Variants in TCF20 observed in about 807,000 individuals in gnomAD.
TCF20 encodes the protein transcription factor 20.
Under a neutral mutation model 148.6 loss-of-function variants are expected in TCF20, and 3 were observed. The observed-to-expected ratio is 0.02, with a 90% CI of 0.01 to 0.05. TCF20 has a LOEUF of 0.05. Among genes scored for constraint, TCF20 ranks in the 10% least tolerant of loss-of-function variants. The pLI, the probability that TCF20 is intolerant of heterozygous loss-of-function variation, is 1.00. For missense variants in TCF20, 2,350 were observed against 2,429.3 expected (o/e 0.97, Z 0.69); for synonymous variants, 1,049 against 909.5 (o/e 1.15, Z -2.76).
At position 42,317,589 on chromosome 22, in the gene TCF20, T is replaced by G. The variant is rs1325487675; in HGVS notation, c.-37+25890A>C. Among the ~76,000 whole-genome samples the G allele has an allele frequency of 6.6e-6, 1 of 150,728 alleles. No individual in the cohort carries two copies. The highest frequency in any genetic ancestry group is 2.4e-5 in the African/African-American group (1 of 41,012). On this transcript the variant is annotated intron_variant, in intron 1 of 1. Coordinates refer to the TCF20 transcript ENST00000515426. The surrounding 1 kb of genome is among the most constrained non-coding windows in gnomAD (Gnocchi z 4.2). ...GAAACTGAGGCTCGGAGAGGCCAAG[T>G]GACTGGCCCAAGGCAGCACCCTCAG...
At chr22:42,217,074 G>A (rs1921884247) in intron 1 of TCF20, among the ~76,000 whole-genome samples, 2 of 152,206 alleles carry the variant, frequency 1.3e-5, no homozygotes, top group South Asian at 2.1e-4. Flanking sequence ...TTGCCTGCAG[G>A]AAAGTCAACA....
At chr22:42,281,821 C>A (rs1926908927) in intron 1 of TCF20, among the ~76,000 whole-genome samples, 1 of 152,220 alleles carries the variant, frequency 6.6e-6, no homozygotes, top group Non-Finnish European at 1.5e-5. Flanking sequence ...GGGTGTGTTC[C>A]TCTGAGCTCT....
chr22:42,173,243 TAAA>T (rs1555910598), intron 3 of TCF20, among the ~76,000 whole-genome samples: 2 of 137,370 alleles, frequency 1.5e-5, no homozygotes, highest in African/African-American at 2.6e-5. Context: ...ATACATTAAT[TAAA>T]AAAAAAAAAA....
upstream of TCF20, among the ~76,000 whole-genome samples, chr22:42,284,377 G>A (rs1409695679): frequency 6.6e-6 from 1 of 152,242 alleles, no homozygotes; most frequent in Non-Finnish European, 1.5e-5. Flanking sequence ...AAAGGCAAGT[G>A]TGACCGTTCA....
chr22:42,268,639 G>A (rs764600580), intron 1 of TCF20, among the ~76,000 whole-genome samples: 1 of 152,162 alleles, frequency 6.6e-6, no homozygotes, highest in South Asian at 2.1e-4. Flanking sequence ...GAACTCCTCT[G>A]AGCCAACATA....
At chr22:42,218,656 T>C (rs1922040467) in intron 1 of TCF20, among the ~76,000 whole-genome samples, 1 of 152,378 alleles carries the variant, frequency 6.6e-6, no homozygotes, top group East Asian at 1.9e-4. Context: ...ATCAGGCTTC[T>C]GAAGATCTGA....
At chr22:42,178,652 G>T (rs186536482) in intron 3 of TCF20, among the ~76,000 whole-genome samples, 27 of 137,760 alleles carry the variant, frequency 2.0e-4, no homozygotes, top group African/African-American at 7.2e-4. Flanking sequence ...GTGCAGTGGC[G>T]TGATCTCGCA....
In TCF20 at chr22:42,299,976, G is replaced by A. The variant is rs1248377563; in HGVS notation, c.-37+43503C>T. 7.1e-6 allele frequency among the ~76,000 whole-genome samples: 1 copy of A among 140,858 alleles called. No homozygotes were observed. Among genetic ancestry groups the A allele is most frequent in the Non-Finnish European group, 1.6e-5 (1 of 64,356 alleles). 92.4% of individuals were successfully genotyped at this position (140,858 alleles called of 152,430 possible). A position where few individuals can be genotyped will look rare whatever the true frequency, so the allele number is the denominator to read the frequency against. ...GAAGGAAGGGCGGGGAGGGGGAGGG[G>A]GAGGGGCGCGCTGAAATCACCCGCA... On this transcript the variant is annotated intron_variant, in intron 1 of 1. Coordinates refer to the TCF20 transcript ENST00000515426. This position sits in a 1 kb window ranked among gnomAD's most constrained non-coding sequence, Gnocchi z 4.1.
chr22:42,325,549 G>A (rs550703763), intron 1 of TCF20, among the ~76,000 whole-genome samples: 10 of 152,328 alleles, frequency 6.6e-5, no homozygotes, highest in Non-Finnish European at 1.5e-4. Flanking sequence ...GGGGAGGGGA[G>A]GGCATGAGAC....
intron 5 of TCF20, among the ~76,000 whole-genome samples, chr22:42,165,931 C>G (rs11703217): frequency 0.021 from 3,250 of 152,300 alleles, 58 homozygotes; most frequent in South Asian, 0.064. Flanking sequence ...CAGACACACA[C>G]GCACATTCGC....
intron 5 of TCF20, among the ~76,000 whole-genome samples, chr22:42,166,798 A>T (rs1013421541): frequency 2.0e-5 from 3 of 152,104 alleles, no homozygotes; most frequent in African/African-American, 7.2e-5. Context: ...TCTTTCCTTA[A>T]CCAGGTCTTC....
At chr22:42,305,865 C>T (rs2147037440) in intron 1 of TCF20, among the ~76,000 whole-genome samples, 1 of 151,642 alleles carries the variant, frequency 6.6e-6, no homozygotes, top group Non-Finnish European at 1.5e-5. Context: ...GCTCTCAAAG[C>T]TGGAGGGCAG....
At position 42,210,182 on chromosome 22, in the gene TCF20, A is replaced by G. The variant is rs1378844736; in HGVS notation, c.5124T>C (p.Cys1708=). 2 of 1,614,206 alleles carry G rather than the reference A, an allele frequency of 1.2e-6. No homozygotes were observed. The highest frequency in any genetic ancestry group is 3.3e-5 in the Admixed American group (2 of 60,024). The change falls in exon 2 of 6, where the codon TGT becomes TGC. Residue 1708 remains cysteine (C), a synonymous_variant. Transcript: ENST00000677622. The surrounding 1 kb of genome is among the most constrained non-coding windows in gnomAD (Gnocchi z 4.7). ...TGTTCCGGTAACTGGCCCACTTGCC[A>G]CACAGACAGCAAACCAGGTGCCCCA... is the stretch of plus-strand genomic sequence containing the variant. ...SVMGHLVCCL[C]GKWASYRNMG... is the part of the protein sequence containing the mutation.
At chr22:42,191,879 G>A (rs989346236) in intron 2 of TCF20, among the ~76,000 whole-genome samples, 11 of 152,262 alleles carry the variant, frequency 7.2e-5, no homozygotes, top group African/African-American at 2.2e-4. Context: ...GGAGACCTGC[G>A]GCAGCCCTGT....
intron 1 of TCF20, among the ~76,000 whole-genome samples, chr22:42,327,690 G>A (rs1188926645): frequency 6.6e-6 from 1 of 151,572 alleles, no homozygotes; most frequent in Admixed American, 6.6e-5. Context: ...AGAGGAAGAG[G>A]TGGAGCTGGG....
At chr22:42,325,070 G>C (rs1927850356) in intron 1 of TCF20, among the ~76,000 whole-genome samples, 1 of 152,256 alleles carries the variant, frequency 6.6e-6, no homozygotes, top group South Asian at 2.1e-4. Flanking sequence ...CGCATGGGCG[G>C]GTGGGAGGAT....
intron 2 of TCF20, among the ~76,000 whole-genome samples, chr22:42,203,465 A>C (rs1373332555): frequency 2.0e-5 from 3 of 152,192 alleles, no homozygotes; most frequent in African/African-American, 7.2e-5. Flanking sequence ...TTATTCTGTA[A>C]GGTAATATAT....
intron 1 of TCF20, among the ~76,000 whole-genome samples, chr22:42,327,334 G>A (rs1321619790): frequency 1.3e-5 from 2 of 152,170 alleles, no homozygotes; most frequent in African/African-American, 4.8e-5. Flanking sequence ...CACCTGCCAT[G>A]GCCCTCAGAA....
chr22:42,337,934 GGGTCTCAGGCCCTGCATACTCA>G (rs1320527054), intron 1 of TCF20, among the ~76,000 whole-genome samples: 1 of 152,152 alleles, frequency 6.6e-6, no homozygotes, highest in Admixed American at 6.5e-5. Context: ...GCCTGGGAGG[GGGTCTCAGGCCCTGCATACTCA>G]ACCTTCAGTC....
Sources: allele counts gnomAD v4.1 joint callset (sites outside exome capture counted in the v4.1 genomes callset), GRCh38; gene constraint gnomAD v4.1.1; non-coding constraint Gnocchi (gnomAD v3.1); transcripts MANE v1.5; gene names NCBI Gene and HGNC (gene_info 2026-07-23, HGNC 2026-07-21).